The following CD9 variants were observed in gnomAD, a reference collection of about 807,000 sequenced individuals.
CD9 encodes the protein CD9 molecule.
In CD9, 10 loss-of-function variants were observed where a neutral mutation model predicts 31.4. That is an observed-to-expected ratio of 0.32 (90% confidence interval 0.20 to 0.54). The LOEUF (loss-of-function observed/expected upper bound fraction) is 0.54, where lower values mean the gene tolerates loss of function less well. CD9 is among the 20% of genes least tolerant of loss of function. The probability of loss-of-function intolerance (pLI) is 0.94; values close to 1 mark genes in which losing one functional copy is unlikely to be tolerated. For missense variants in CD9, 259 were observed against 300.1 expected (o/e 0.86, Z 1.01); for synonymous variants, 113 against 114.1 (o/e 0.99, Z 0.06).
rs963350146 is a variant in CD9, at chr12:6,232,970, G to A, written c.273+241G>A. 3.6e-5 allele frequency: 25 copies of A among 702,230 alleles called. No homozygotes were observed. Among genetic ancestry groups the A allele is most frequent in the Non-Finnish European group, 6.0e-5 (23 of 384,850 alleles). 43.5% of individuals were successfully genotyped at this position (702,230 alleles called of 1,614,324 possible). A position where few individuals can be genotyped will look rare whatever the true frequency, so the allele number is the denominator to read the frequency against. ...AAGGACTATGTTTCCCCCTTTTCTC[G>A]AGGACCACGTTTGCTTTTTTTCCCT... On this transcript the variant is annotated intron_variant, in intron 3 of 7. Transcript: ENST00000009180. The surrounding 1 kb of genome is among the most constrained non-coding windows in gnomAD (Gnocchi z 4.8).
At chr12:6,215,472 C>T (rs980370536) in intron 1 of CD9, among the ~76,000 whole-genome samples, 1 of 152,134 alleles carries the variant, frequency 6.6e-6, no homozygotes, top group South Asian at 2.1e-4. Context: ...GAGGGAACTG[C>T]GAATTTGCAT....
intron 7 of CD9, among the ~76,000 whole-genome samples, 181 bp from the exon 8 acceptor site, chr12:6,237,582 G>T (rs1014569688): frequency 2.0e-5 from 3 of 152,130 alleles, no homozygotes; most frequent in African/African-American, 7.2e-5. Flanking sequence ...CTCACGTCCC[G>T]CACCCTTCTC....
At chr12:6,224,625 C>T (rs191265183) in intron 1 of CD9, among the ~76,000 whole-genome samples, 3 of 152,294 alleles carry the variant, frequency 2.0e-5, no homozygotes, top group South Asian at 2.1e-4. Context: ...AACCTGGGCC[C>T]ACCCACTCCT....
At chr12:6,217,743 T>C (rs928335671) in intron 1 of CD9, among the ~76,000 whole-genome samples, 2 of 152,054 alleles carry the variant, frequency 1.3e-5, no homozygotes, top group Non-Finnish European at 2.9e-5. Context: ...GGGAAGAAAG[T>C]TCTCCCTCCT....
chr12:6,232,773 C>A lies in CD9; in HGVS notation c.273+44C>A. 7.8e-7 allele frequency: 1 copy of A among 1,289,076 alleles called. No homozygotes were observed. Among genetic ancestry groups the A allele is most frequent in the Non-Finnish European group, 1.1e-6 (1 of 921,878 alleles). The allele number at this position is 1,289,076 out of a possible 1,614,324, so 79.9% of individuals were successfully genotyped here. ...TCCCCACAGCCACCCTGACTCCCAC[C>A]AACAAAAACCTCAGCAGGCCCAGAC... On this transcript the variant is annotated intron_variant, in intron 3 of 7. Transcript: ENST00000009180. This position sits in a 1 kb window ranked among gnomAD's most constrained non-coding sequence, Gnocchi z 4.8.
intron 7 of CD9, 29 bp downstream of exon 7, chr12:6,236,304 G>A: frequency 3.8e-6 from 6 of 1,597,872 alleles, no homozygotes; most frequent in Non-Finnish European, 5.1e-6. Context: ...TCCCAGGAGG[G>A]GGACTGAGGA....
intron 1 of CD9, among the ~76,000 whole-genome samples, chr12:6,214,560 G>T (rs1175198526): frequency 6.6e-6 from 1 of 151,884 alleles, no homozygotes; most frequent in Non-Finnish European, 1.5e-5. Context: ...TATTGCCCAG[G>T]CTGGTCTCCA....
chr12:6,234,486 AC>A (rs1451393922), intron 4 of CD9: 14 of 151,542 alleles, frequency 9.2e-5, no homozygotes, highest in African/African-American at 2.4e-4. Context: ...AAAAAAAAAA[AC>A]ATGTCTGTAA....
At chr12:6,221,040 A>G (rs970707929) in intron 1 of CD9, among the ~76,000 whole-genome samples, 6 of 152,180 alleles carry the variant, frequency 3.9e-5, no homozygotes, top group Admixed American at 3.3e-4. Flanking sequence ...TGACCTTGAC[A>G]GTTTGGAGAG....
At chr12:6,223,974 T>A (rs1328906813) in intron 1 of CD9, among the ~76,000 whole-genome samples, 2 of 152,342 alleles carry the variant, frequency 1.3e-5, no homozygotes, top group African/African-American at 4.8e-5. Context: ...TGTGTGAGTT[T>A]TTCTCCTCTG....
In CD9 at chr12:6,210,261, C is replaced by T. The variant is rs541769737; in HGVS notation, c.66+9696C>T. Among the ~76,000 whole-genome samples, 10 of 152,334 alleles carry T rather than the reference C, an allele frequency of 6.6e-5. No individual in the cohort carries two copies. In the South Asian group the frequency reaches 2.1e-3, roughly 32 times the overall value. On this transcript the variant is annotated intron_variant, in intron 1 of 7. Coordinates refer to ENST00000009180, the MANE Select transcript of CD9 (RefSeq NM_001769.4). Reference sequence around the variant, plus strand: ...AGGACCATGGCCACTGAACGGGCTGCGGTCCCGTCTATGGACACAATGCCA... The same window carrying T: ...AGGACCATGGCCACTGAACGGGCTGTGGTCCCGTCTATGGACACAATGCCA...
At position 6,225,467 on chromosome 12, in the gene CD9, A is replaced by T. The variant is rs1412776879; in HGVS notation, c.108A>T (p.Arg36=). The T allele has an allele frequency of 1.9e-6, 3 of 1,614,008 alleles. No homozygotes were observed. Among genetic ancestry groups the T allele is most frequent in the Non-Finnish European group, 1.7e-6 (2 of 1,179,886 alleles). Reference sequence around the variant, plus strand: ...TCCTTGCCATTGGACTATGGCTCCGATTCGACTCTCAGACCAAGAGCATCT... The same window carrying T: ...TCCTTGCCATTGGACTATGGCTCCGTTTCGACTCTCAGACCAAGAGCATCT... The part of the protein sequence containing the change: ...IAVLAIGLWL[R]FDSQTKSIFE... Residue 36 remains arginine (R), a synonymous_variant, in exon 2 of 8, where the codon CGA becomes CGT. Coordinates refer to ENST00000009180, the MANE Select transcript of CD9 (RefSeq NM_001769.4).
At chr12:6,235,604 T>A in intron 6 of CD9, 39 bp downstream of exon 6, 1 of 1,573,302 alleles carries the variant, frequency 6.4e-7, no homozygotes. Flanking sequence ...CTGCCCCCAT[T>A]GCTCTGGACA....
chr12:6,227,457 C>T (rs1033466981), intron 2 of CD9, among the ~76,000 whole-genome samples: 2 of 152,180 alleles, frequency 1.3e-5, no homozygotes, highest in Non-Finnish European at 2.9e-5. Context: ...CTTGGCTTCC[C>T]GAAGTGATGG....
At chr12:6,233,365 C>A in intron 3 of CD9, 47 bp from the exon 4 acceptor site, 1 of 1,399,002 alleles carries the variant, frequency 7.1e-7, no homozygotes, top group Non-Finnish European at 1.0e-6. Context: ...ATTTTCCTGG[C>A]TGGTTGGCTG....
chr12:6,205,208 A>G (rs1172124659), intron 1 of CD9, among the ~76,000 whole-genome samples: 1 of 152,124 alleles, frequency 6.6e-6, no homozygotes, highest in Non-Finnish European at 1.5e-5. Context: ...GCTTGGGGAG[A>G]GGTGAGCTGA....
At chr12:6,234,482 A>C (rs912288753) in intron 4 of CD9, 5 of 152,196 alleles carry the variant, frequency 3.3e-5, no homozygotes, top group African/African-American at 9.7e-5. Flanking sequence ...AAAAAAAAAA[A>C]AAAACATGTC....
chr12:6,236,365 C>G lies in CD9; in HGVS notation c.621+90C>G, dbSNP rs189132369. The stretch of plus-strand genomic sequence containing the variant: ...TACCCAGACACCGCCGCACTCTGTG[C>G]ATTTGTCAACTCACTTTGTCCTCGT... On this transcript the variant is annotated intron_variant, in intron 7 of 7. Coordinates refer to ENST00000009180, the MANE Select transcript of CD9 (RefSeq NM_001769.4). The G allele has an allele frequency of 2.4e-4, 273 of 1,117,920 alleles. 1 individual carries two copies. In the African/African-American group the frequency reaches 3.7e-3, roughly 15 times the overall value. 69.3% of individuals were successfully genotyped at this position (1,117,920 alleles called of 1,614,324 possible).
At chr12:6,234,605 G>A (rs1344290522) in intron 4 of CD9, 1 of 152,292 alleles carries the variant, frequency 6.6e-6, no homozygotes, top group Non-Finnish European at 1.5e-5. Context: ...GATGTGGTGA[G>A]CATCAAAGGG....
Sources: gnomAD v4.1 joint callset for allele counts (sites outside exome capture counted in the v4.1 genomes callset) on GRCh38, gnomAD v4.1.1 for gene constraint, Gnocchi (gnomAD v3.1) non-coding constraint, MANE v1.5 for transcripts, NCBI Gene and HGNC (gene_info 2026-07-23, HGNC 2026-07-21) for gene names.